The following USP15 variants were observed in gnomAD, a reference collection of about 807,000 sequenced individuals.
The protein encoded by USP15 is ubiquitin carboxyl-terminal hydrolase 15.
USP15 carries 18 observed loss-of-function variants against 127.1 expected under a neutral mutation model. The observed-to-expected ratio is 0.14, with a 90% CI of 0.10 to 0.21. USP15 has a LOEUF of 0.21. Ranked by LOEUF, USP15 falls within the 10% of genes least tolerant of loss-of-function variation. The pLI is 1.00. For missense variants in USP15, 805 were observed against 1,159.9 expected, an observed-to-expected ratio of 0.69 and a Z score of 4.44; for synonymous variants, 364 against 393.7, an observed-to-expected ratio of 0.92 and a Z score of 0.89.
chr12:62,320,613 GATTTAATGCCCTTATCAAA>G (rs2064957686), intron 4 of USP15, among the ~76,000 whole-genome samples: 1 of 151,888 alleles, frequency 6.6e-6, no homozygotes, highest in South Asian at 2.1e-4. Flanking sequence ...TTTTCCTACT[GATTTAATGCCCTTATCAAA>G]ACCTTACTGA....
intron 8 of USP15, among the ~76,000 whole-genome samples, chr12:62,371,043 T>A (rs963947877): frequency 6.6e-6 from 1 of 152,172 alleles, no homozygotes; most frequent in African/African-American, 2.4e-5. Context: ...AAAATATATC[T>A]GTGTCATCTC....
intron 4 of USP15, among the ~76,000 whole-genome samples, chr12:62,317,290 T>C (rs917403228): frequency 6.6e-6 from 1 of 152,166 alleles, no homozygotes. Flanking sequence ...TTACTATGTT[T>C]TAAGCACTTT....
intron 3 of USP15, among the ~76,000 whole-genome samples, chr12:62,306,736 A>G (rs965788722): frequency 6.6e-6 from 1 of 152,140 alleles, no homozygotes; most frequent in African/African-American, 2.4e-5. Context: ...CCAGATGGCA[A>G]ACGGTGCTAA....
chr12:62,396,660 C>G (rs1401625808), intron 20 of USP15, among the ~76,000 whole-genome samples: 1 of 151,858 alleles, frequency 6.6e-6, no homozygotes, highest in Non-Finnish European at 1.5e-5. Flanking sequence ...CCTCCACGTT[C>G]TCCTTCCCCT....
At chr12:62,302,070 G>T (rs1344203849) in intron 2 of USP15, among the ~76,000 whole-genome samples, 7 of 152,140 alleles carry the variant, frequency 4.6e-5, no homozygotes, top group Non-Finnish European at 1.0e-4. Flanking sequence ...CTGTGAATTA[G>T]AATCACATCT....
intron 14 of USP15, among the ~76,000 whole-genome samples, chr12:62,390,499 G>A (rs1592720434): frequency 6.6e-6 from 1 of 152,082 alleles, no homozygotes; most frequent in South Asian, 2.1e-4. Flanking sequence ...GGTATATTTA[G>A]TATTCTTTCT....
chr12:62,388,522 C>T (rs2067227399), intron 11 of USP15, among the ~76,000 whole-genome samples: 1 of 152,150 alleles, frequency 6.6e-6, no homozygotes, highest in South Asian at 2.1e-4. Flanking sequence ...GTCAAAGGAT[C>T]AATTGATATT....
At chr12:62,284,733 T>C (rs1030477488) in intron 1 of USP15, among the ~76,000 whole-genome samples, 1 of 152,150 alleles carries the variant, frequency 6.6e-6, no homozygotes, top group Admixed American at 6.5e-5. Flanking sequence ...GAAATGTTTC[T>C]AGAAAAATTT....
intron 1 of USP15, among the ~76,000 whole-genome samples, chr12:62,283,137 T>A (rs1240993787): frequency 6.6e-6 from 1 of 152,204 alleles, no homozygotes; most frequent in Non-Finnish European, 1.5e-5. Flanking sequence ...TAGTTTTTCA[T>A]ACAAGTAAAT....
chr12:62,357,234 A>AT (rs2066159018), intron 8 of USP15, among the ~76,000 whole-genome samples: 1 of 152,080 alleles, frequency 6.6e-6, no homozygotes, highest in Admixed American at 6.6e-5. Context: ...GCAATACTGC[A>AT]TCCTAGTTTT....
chr12:62,329,297 G>C (rs1172192052), intron 6 of USP15, among the ~76,000 whole-genome samples: 2 of 152,182 alleles, frequency 1.3e-5, no homozygotes. Context: ...CTTGAACCCA[G>C]GAGGCGGAGG....
intron 2 of USP15, among the ~76,000 whole-genome samples, chr12:62,295,952 G>A (rs1022521894): frequency 6.6e-6 from 1 of 152,138 alleles, no homozygotes; most frequent in Non-Finnish European, 1.5e-5. Flanking sequence ...AGACTATCCT[G>A]GTGAACGTAA....
intron 7 of USP15, among the ~76,000 whole-genome samples, chr12:62,351,541 T>C (rs767390): frequency 0.26 from 40,023 of 151,738 alleles, 6,578 homozygotes; most frequent in East Asian, 0.44. Context: ...AATTACCATA[T>C]TGGTATGAGT....
intron 1 of USP15, among the ~76,000 whole-genome samples, chr12:62,267,710 A>G (rs2063231014): frequency 6.6e-6 from 1 of 152,204 alleles, no homozygotes; most frequent in East Asian, 1.9e-4. Context: ...TTTGTGAAGG[A>G]AGTCAAAGAT....
intron 8 of USP15, among the ~76,000 whole-genome samples, chr12:62,369,869 A>G (rs925124149): frequency 6.6e-6 from 1 of 152,244 alleles, no homozygotes; most frequent in African/African-American, 2.4e-5. Flanking sequence ...CAGTAGTATC[A>G]TTGTATAATA....
At position 62,339,390 on chromosome 12, in the gene USP15, C is replaced by G. The variant is rs933677031; in HGVS notation, c.684-9831C>G. On this transcript the variant is annotated intron_variant, in intron 6 of 21. Transcript: ENST00000280377. ...ATTTAAATACTCTTTATTTCTTTCT[C>G]TTGCCTAGTTGCCCTGGCCAGAACT... 1.2e-4 allele frequency among the ~76,000 whole-genome samples: 19 copies of G among 152,264 alleles called. No individual in the cohort carries two copies. In the East Asian group the frequency reaches 3.5e-3, roughly 28 times the overall value.
At chr12:62,349,183 A>T in intron 6 of USP15, 38 bp from the exon 7 acceptor site, 11 of 1,232,374 alleles carry the variant, frequency 8.9e-6, no homozygotes, top group Non-Finnish European at 1.2e-5. Context: ...AAAATTCTTC[A>T]TTTTTTTATC....
At chr12:62,361,560 C>G (rs1305685460) in intron 8 of USP15, among the ~76,000 whole-genome samples, 1 of 151,850 alleles carries the variant, frequency 6.6e-6, no homozygotes, top group African/African-American at 2.4e-5. Context: ...GTGACTACAT[C>G]TTATAACAGA....
intron 6 of USP15, among the ~76,000 whole-genome samples, chr12:62,345,822 AAG>A (rs1272584781): frequency 2.0e-5 from 3 of 152,284 alleles, no homozygotes; most frequent in East Asian, 1.9e-4. Context: ...CAGGCAAAGA[AAG>A]AGAGCTTGTG....
Sources: gnomAD v4.1 joint callset for allele counts (sites outside exome capture counted in the v4.1 genomes callset) on GRCh38, gnomAD v4.1.1 for gene constraint, MANE v1.5 for transcripts, NCBI Gene and HGNC (gene_info 2026-07-23, HGNC 2026-07-21) for gene names.